The following SMTNL2 variants were observed in gnomAD, a reference collection of about 807,000 sequenced individuals.
The protein encoded by SMTNL2 is smoothelin-like protein 2.
SMTNL2 carries 43 observed loss-of-function variants against 44.1 expected under a neutral mutation model. The ratio of observed to expected loss-of-function variants is 0.98; its 90% CI spans 0.76 to 1.26. SMTNL2 has a LOEUF of 1.26. Among genes scored for constraint, SMTNL2 ranks in the 50% most tolerant of loss-of-function variants. The pLI is 0.00. For missense variants in SMTNL2, 646 were observed against 670.2 expected (o/e 0.96, Z 0.40); for synonymous variants, 317 against 287.6 (o/e 1.10, Z -1.03).
At chr17:4,593,421 T>C (rs996591818) in intron 3 of SMTNL2, among the ~76,000 whole-genome samples, 1 of 152,244 alleles carries the variant, frequency 6.6e-6, no homozygotes, top group African/African-American at 2.4e-5. Context: ...AGGTGGCCTC[T>C]TGCCCTGCAC....
At chr17:4,584,487 C>A, upstream of SMTNL2, 1 of 1,126,118 alleles carries the variant, frequency 8.9e-7, no homozygotes, top group Non-Finnish European at 1.1e-6. Flanking sequence ...CCCGCGCCCG[C>A]CTCCCCGGCA....
intron 7 of SMTNL2, among the ~76,000 whole-genome samples, chr17:4,604,073 G>A (rs1910161435): frequency 6.6e-6 from 1 of 152,150 alleles, no homozygotes; most frequent in South Asian, 2.1e-4. Flanking sequence ...TCCAACTCCT[G>A]ACCTCAAATG....
chr17:4,584,860 C>A lies in SMTNL2; in HGVS notation c.255C>A (p.Gly85=). ...TGACGCGCCAGGTGGAGGCGCTGGG[C>A]TTGGCCAGCGGGATGTCCCCGGTGC... ...ERLTRQVEAL[G]LASGMSPVPG... Residue 85 remains glycine, a synonymous_variant, in exon 1 of 8, where the codon GGC becomes GGA. Coordinates refer to ENST00000389313, the MANE Select transcript of SMTNL2 (RefSeq NM_001114974.2). The A allele has an allele frequency of 7.6e-7, 1 of 1,318,046 alleles. No homozygotes were observed. The highest frequency in any genetic ancestry group is 9.7e-7 in the Non-Finnish European group (1 of 1,035,926). 81.6% of individuals were successfully genotyped at this position (1,318,046 alleles called of 1,614,324 possible). A position where few individuals can be genotyped will look rare whatever the true frequency, so the allele number is the denominator to read the frequency against.
At chr17:4,588,517 C>T (rs766599037) in intron 1 of SMTNL2, among the ~76,000 whole-genome samples, 7 of 152,200 alleles carry the variant, frequency 4.6e-5, no homozygotes, top group Non-Finnish European at 8.8e-5. Context: ...CGAGGCCCCT[C>T]CCTGGTTTCC....
rs2150516781 is a variant in SMTNL2 at position 4,584,752 on chromosome 17, G to T, written c.147G>T (p.Ala49=). 4.6e-6 allele frequency: 6 copies of T among 1,308,592 alleles called. No individual in the cohort carries two copies. The highest frequency in any genetic ancestry group is 4.8e-6 in the Non-Finnish European group (5 of 1,032,182). The allele number at this position is 1,308,592 out of a possible 1,614,324, so 81.1% of individuals were successfully genotyped here. Residue 49 remains alanine (A), a synonymous_variant, in exon 1 of 8, where the codon GCG becomes GCT. Transcript: ENST00000389313. Reference sequence around the variant, plus strand: ...GCGTGGAGCGGCGAGTGGCAGAGGCGATGCGCCTGGCCGGCCCCCTGGCGC... The same window carrying T: ...GCGTGGAGCGGCGAGTGGCAGAGGCTATGCGCCTGGCCGGCCCCCTGGCGC... ...QRGVERRVAE[A]MRLAGPLART...
chr17:4,584,509 G>T (rs955349483), upstream of SMTNL2: 6 of 1,192,838 alleles, frequency 5.0e-6, no homozygotes, highest in East Asian at 1.4e-4. Context: ...CCCCTCGAGC[G>T]AAGCCAGCCA....
At chr17:4,605,157 T>TGC (rs1320490119) in intron 7 of SMTNL2, among the ~76,000 whole-genome samples, 1 of 130,428 alleles carries the variant, frequency 7.7e-6, no homozygotes, top group African/African-American at 3.1e-5. Context: ...TGTTTGGTTT[T>TGC]TTTTTTTTTT....
chr17:4,586,932 T>G (rs552110206), intron 1 of SMTNL2, among the ~76,000 whole-genome samples: 4 of 152,136 alleles, frequency 2.6e-5, no homozygotes, highest in Non-Finnish European at 5.9e-5. Context: ...CTATGGGAAC[T>G]CCAGGTGAAG....
Position 4,584,665 on chromosome 17 carries a change from C to A in SMTNL2, c.60C>A (p.Tyr20Ter), listed in dbSNP as rs1377907316. 1.6e-6 allele frequency: 2 copies of A among 1,275,724 alleles called. No individual in the cohort carries two copies. The highest frequency in any genetic ancestry group is 2.0e-6 in the Non-Finnish European group (2 of 1,014,520). The allele number at this position is 1,275,724 out of a possible 1,614,324, so 79.0% of individuals were successfully genotyped here. A position where few individuals can be genotyped will look rare whatever the true frequency, so the allele number is the denominator to read the frequency against. Residue 20 changes from tyrosine to a stop codon, truncating the protein, a stop_gained, in exon 1 of 8, where the codon TAC (tyrosine) becomes TAA (stop). Coordinates refer to ENST00000389313, the MANE Select transcript of SMTNL2 (RefSeq NM_001114974.2). LOFTEE classifies it high-confidence loss of function. ...CTGTGCGCGAGGCGCTGGGCCGCTA[C>A]GAGGCGGCGCTGGAGGGTGCGGTGC... is the stretch of plus-strand genomic sequence containing the variant. Reference protein sequence around the residue: ...ARTVREALGRYEAALEGAVRA... With the variant: ...ARTVREALGR
At chr17:4,586,665 A>C (rs1909357838) in intron 1 of SMTNL2, among the ~76,000 whole-genome samples, 1 of 152,150 alleles carries the variant, frequency 6.6e-6, no homozygotes, top group Non-Finnish European at 1.5e-5. Flanking sequence ...TGTGTCTGGC[A>C]AGCCCTCTTC....
chr17:4,596,383 C>T (rs1909813264), intron 5 of SMTNL2, among the ~76,000 whole-genome samples: 1 of 152,254 alleles, frequency 6.6e-6, no homozygotes, highest in Admixed American at 6.5e-5. Flanking sequence ...CCATTAGGGA[C>T]TGTCCTTGGG....
At chr17:4,602,866 G>A (rs1187571716) in intron 7 of SMTNL2, among the ~76,000 whole-genome samples, 1 of 152,138 alleles carries the variant, frequency 6.6e-6, no homozygotes, top group Non-Finnish European at 1.5e-5. Flanking sequence ...GTGGTTGCGT[G>A]TTGCATATTG....
chr17:4,607,182 T>C lies in SMTNL2; in HGVS notation c.1260-179T>C, dbSNP rs1910311672. On this transcript the variant is annotated intron_variant, in intron 7 of 7. Coordinates refer to ENST00000389313, the MANE Select transcript of SMTNL2 (RefSeq NM_001114974.2). The surrounding 1 kb of genome is among the most constrained non-coding windows in gnomAD (Gnocchi z 4.7). The stretch of plus-strand genomic sequence containing the variant: ...ATCTGGGAGTTTGGGAAACATTGTA[T>C]TGGAGTCAGTGACTCCAAGGGTTCT... 6.6e-6 allele frequency among the ~76,000 whole-genome samples: 1 copy of C among 152,210 alleles called. No homozygotes were observed. The highest frequency in any genetic ancestry group is 2.1e-4 in the South Asian group (1 of 4,830).
At chr17:4,590,953 C>T (rs895222029) in intron 1 of SMTNL2, among the ~76,000 whole-genome samples, 2 of 152,194 alleles carry the variant, frequency 1.3e-5, no homozygotes, top group African/African-American at 4.8e-5. Context: ...GCGTCCTGGA[C>T]GGGCATGATC....
At chr17:4,604,483 A>G (rs1221506937) in intron 7 of SMTNL2, among the ~76,000 whole-genome samples, 1 of 152,200 alleles carries the variant, frequency 6.6e-6, no homozygotes, top group Non-Finnish European at 1.5e-5. Flanking sequence ...TGGAGCACAC[A>G]GCCGCGTGAG....
At position 4,584,713 on chromosome 17, in the gene SMTNL2, G is replaced by A. The variant is rs966996269; in HGVS notation, c.108G>A (p.Arg36=). ...GAVRALHEDM[R]GLQRGVERRV... ...TGCGCGCGCTGCACGAGGACATGCG[G>A]GGGCTGCAGCGCGGCGTGGAGCGGC... The change falls in exon 1 of 8, where the codon CGG becomes CGA. Residue 36 remains arginine, a synonymous_variant. Coordinates refer to ENST00000389313, the MANE Select transcript of SMTNL2 (RefSeq NM_001114974.2). 1.0e-5 allele frequency: 13 copies of A among 1,301,148 alleles called. No individual in the cohort carries two copies. The South Asian group carries it at 1.1e-4, about 11-fold the overall frequency. 80.6% of individuals were successfully genotyped at this position (1,301,148 alleles called of 1,614,324 possible). A position where few individuals can be genotyped will look rare whatever the true frequency, so the allele number is the denominator to read the frequency against.
Position 4,588,353 on chromosome 17 carries a change from G to A in SMTNL2, c.399+3349G>A, listed in dbSNP as rs145316230. On this transcript the variant is annotated intron_variant, in intron 1 of 7. Transcript: ENST00000389313. ...ACCTCATCACCCTTCCGCCTTTCCC[G>A]TGAGTGCCTCAGGCCTGGGCTCCCT... 1.3e-3 allele frequency among the ~76,000 whole-genome samples: 199 copies of A among 152,286 alleles called. 2 individuals carry two copies. The highest frequency in any genetic ancestry group is 4.3e-3 in the African/African-American group (180 of 41,560).
chr17:4,591,287 C>G (rs958238827), intron 1 of SMTNL2, among the ~76,000 whole-genome samples: 1 of 152,208 alleles, frequency 6.6e-6, no homozygotes, highest in South Asian at 2.1e-4. Context: ...CCTTGTAGAC[C>G]AGGGGGCATC....
chr17:4,589,119 T>C (rs1909458287), intron 1 of SMTNL2, among the ~76,000 whole-genome samples: 1 of 152,144 alleles, frequency 6.6e-6, no homozygotes, highest in African/African-American at 2.4e-5. Context: ...CGGAGAACCC[T>C]TAGCAGTGAT....
Sources: gnomAD v4.1 joint callset for allele counts (sites outside exome capture counted in the v4.1 genomes callset) on GRCh38, gnomAD v4.1.1 for gene constraint, Gnocchi (gnomAD v3.1) non-coding constraint, MANE v1.5 for transcripts, NCBI Gene and HGNC (gene_info 2026-07-23, HGNC 2026-07-21) for gene names.